The following MOB4 variants were observed in gnomAD, a reference collection of about 807,000 sequenced individuals.
MOB4 encodes MOB-like protein phocein.
A neutral mutation model predicts 32.2 loss-of-function variants in MOB4; 4 were observed. The observed-to-expected ratio is 0.12, with a 90% confidence interval of 0.06 to 0.28. The LOEUF (loss-of-function observed/expected upper bound fraction) is 0.28. Ranked by LOEUF, MOB4 falls within the 10% of genes least tolerant of loss-of-function variation. The probability of loss-of-function intolerance (pLI) is 1.00; values close to 1 mark genes in which losing one functional copy is unlikely to be tolerated. For synonymous variants in MOB4, 88 were observed against 88.1 expected (o/e 1.00, Z 0.01); for missense variants, 158 against 271.2 (o/e 0.58, Z 2.93).
chr2:197,537,805 G>A (rs1259907909), intron 3 of MOB4, among the ~76,000 whole-genome samples: 1 of 151,874 alleles, frequency 6.6e-6, no homozygotes, highest in African/African-American at 2.4e-5. Flanking sequence ...CAAGAGTCTC[G>A]AGTCTCGCTT....
chr2:197,538,175 C>T (rs1192125549), intron 3 of MOB4, among the ~76,000 whole-genome samples: 2 of 151,792 alleles, frequency 1.3e-5, no homozygotes, highest in Non-Finnish European at 2.9e-5. Flanking sequence ...ATTTATCTCC[C>T]TATTTAACTT....
chr2:197,536,772 A>G (rs1041827309), intron 3 of MOB4, among the ~76,000 whole-genome samples: 2 of 150,538 alleles, frequency 1.3e-5, no homozygotes, highest in Non-Finnish European at 3.0e-5. Context: ...TAATTTTTGT[A>G]TTTTTAGTAG....
intron 2 of MOB4, among the ~76,000 whole-genome samples, chr2:197,525,414 G>A (rs1385584649): frequency 1.3e-5 from 2 of 151,524 alleles, no homozygotes; most frequent in Non-Finnish European, 2.9e-5. Flanking sequence ...GAAAATAAAA[G>A]AGACATATAG....
chr2:197,523,769 C>T, intron 2 of MOB4, 83 bp downstream of exon 2: 1 of 1,324,650 alleles, frequency 7.5e-7, no homozygotes, highest in Non-Finnish European at 1.0e-6. Flanking sequence ...GTCTGTTGGT[C>T]ACTGTGCAGC....
At chr2:197,519,032 A>T (rs2086468131) in intron 1 of MOB4, among the ~76,000 whole-genome samples, 1 of 151,974 alleles carries the variant, frequency 6.6e-6, no homozygotes, top group South Asian at 2.1e-4. Flanking sequence ...TGCTGGGATT[A>T]CAGGCATGAG....
chr2:197,531,586 GA>G (rs1417638058), intron 2 of MOB4, among the ~76,000 whole-genome samples: 1 of 151,346 alleles, frequency 6.6e-6, no homozygotes, highest in African/African-American at 2.4e-5. Context: ...TTTTTTTTGA[GA>G]CGGAGTCTTG....
At chr2:197,524,164 T>C (rs779681514) in intron 2 of MOB4, among the ~76,000 whole-genome samples, 1 of 151,942 alleles carries the variant, frequency 6.6e-6, no homozygotes, top group Non-Finnish European at 1.5e-5. Context: ...TTGATCCTAC[T>C]TCAAGGGTCT....
At chr2:197,544,752 C>CAAA (rs796630784) in intron 5 of MOB4, among the ~76,000 whole-genome samples, 6 of 91,186 alleles carry the variant, frequency 6.6e-5, no homozygotes, top group African/African-American at 2.6e-4. Context: ...GACTCCGTCT[C>CAAA]AAAAAAAAAA....
intron 5 of MOB4, among the ~76,000 whole-genome samples, chr2:197,542,542 C>G (rs779426292): frequency 6.6e-6 from 1 of 152,148 alleles, no homozygotes; most frequent in African/African-American, 2.4e-5. Flanking sequence ...CACCAATAAT[C>G]ATTTATTCAG....
intron 1 of MOB4, among the ~76,000 whole-genome samples, chr2:197,518,394 C>T (rs1436121934): frequency 2.0e-5 from 3 of 151,384 alleles, no homozygotes; most frequent in African/African-American, 7.3e-5. Flanking sequence ...CTCAGCCTCC[C>T]GAGTAGCTGG....
chr2:197,527,041 G>A (rs142539525), intron 2 of MOB4, among the ~76,000 whole-genome samples: 6 of 151,780 alleles, frequency 4.0e-5, no homozygotes, highest in African/African-American at 1.2e-4. Flanking sequence ...CTCTTGCCTC[G>A]GCTGGGATTA....
intron 1 of MOB4, among the ~76,000 whole-genome samples, chr2:197,520,269 G>A (rs1436232201): frequency 2.0e-5 from 3 of 149,296 alleles, no homozygotes; most frequent in Non-Finnish European, 4.4e-5. Context: ...TGCAAACTCC[G>A]CTTCCTGGGT....
chr2:197,516,885 A>G (rs140308944), intron 1 of MOB4: 1 of 359,734 alleles, frequency 2.8e-6, no homozygotes, highest in East Asian at 7.4e-5. Flanking sequence ...AGGGTTTGGA[A>G]AAGATGGGAT....
intron 2 of MOB4, among the ~76,000 whole-genome samples, chr2:197,534,395 T>C (rs1427656635): frequency 1.3e-5 from 2 of 151,938 alleles, no homozygotes; most frequent in African/African-American, 2.4e-5. Context: ...TCCCTTGCCT[T>C]TTTTTTTAAA....
intron 1 of MOB4, 53 bp from the exon 2 acceptor site, chr2:197,523,571 G>C (rs2086558701): frequency 6.5e-7 from 1 of 1,545,554 alleles, no homozygotes; most frequent in Non-Finnish European, 8.8e-7. Flanking sequence ...AAGAATTGAA[G>C]TTAATCATAA....
chr2:197,534,838 C>T (rs763142404), intron 2 of MOB4, among the ~76,000 whole-genome samples: 36 of 152,134 alleles, frequency 2.4e-4, no homozygotes, highest in African/African-American at 7.2e-4. Context: ...CCCCGACGCC[C>T]GGCCTTTTAG....
At chr2:197,541,527 T>G (rs1334442904) in intron 5 of MOB4, among the ~76,000 whole-genome samples, 1 of 152,148 alleles carries the variant, frequency 6.6e-6, no homozygotes, top group Non-Finnish European at 1.5e-5. Context: ...TGCTCCAAAA[T>G]AAGGAGTATT....
intron 1 of MOB4, among the ~76,000 whole-genome samples, chr2:197,521,224 G>A (rs193054269): frequency 9.9e-4 from 151 of 152,230 alleles, no homozygotes; most frequent in South Asian, 2.9e-3. Flanking sequence ...AAAGTTGGGC[G>A]TCCGGGGGAG....
chr2:197,516,328 G>C, intron 1 of MOB4, 182 bp downstream of exon 1: 1 of 1,426,492 alleles, frequency 7.0e-7, no homozygotes, highest in Non-Finnish European at 9.2e-7. Flanking sequence ...GGCGGCCGCC[G>C]TGAGGCCTGC....
Sources: gnomAD v4.1 joint callset for allele counts (sites outside exome capture counted in the v4.1 genomes callset) on GRCh38, gnomAD v4.1.1 for gene constraint, MANE v1.5 for transcripts, NCBI Gene and HGNC (gene_info 2026-07-23, HGNC 2026-07-21) for gene names.